The following SPAG16 variants were observed in gnomAD, a reference collection of about 807,000 sequenced individuals.
SPAG16 encodes sperm-associated antigen 16 protein.
A neutral mutation model predicts 80.4 loss-of-function variants in SPAG16; 86 were observed. That is an observed-to-expected ratio of 1.07 (90% CI 0.90 to 1.28). The LOEUF (loss-of-function observed/expected upper bound fraction) is 1.28, where lower values mean the gene tolerates loss of function less well. Ranked by LOEUF, SPAG16 falls within the 50% of genes most tolerant of loss-of-function variation. SPAG16 has a pLI of 0.00. For synonymous variants in SPAG16, 294 were observed against 265.9 expected (o/e 1.11, Z -1.03); for missense variants, 870 against 765.3 (o/e 1.14, Z -1.61).
At chr2:213,673,704 C>T (rs62192660) in intron 10 of SPAG16, among the ~76,000 whole-genome samples, 247 of 152,178 alleles carry the variant, frequency 1.6e-3, no homozygotes, top group Non-Finnish European at 3.1e-3. Flanking sequence ...CTGGCTTCTA[C>T]TAAGGTAATG....
At chr2:213,688,103 G>T (rs1363013953) in intron 10 of SPAG16, among the ~76,000 whole-genome samples, 2 of 152,128 alleles carry the variant, frequency 1.3e-5, no homozygotes, top group Non-Finnish European at 2.9e-5. Context: ...GTTTGAACTT[G>T]GGGGGAGGAT....
intron 10 of SPAG16, among the ~76,000 whole-genome samples, chr2:213,689,545 TTTTTTTTTTTG>T (rs2064848196): frequency 7.0e-6 from 1 of 143,536 alleles, no homozygotes. Flanking sequence ...TTTTTTTTTT[TTTTTTTTTTTG>T]GTCTCACTTC....
chr2:213,396,702 T>G (rs1254016432), intron 9 of SPAG16: 1 of 451,718 alleles, frequency 2.2e-6, no homozygotes, highest in Non-Finnish European at 4.4e-6. Flanking sequence ...AGACTGCCCA[T>G]CTTCAGGACA....
At chr2:214,288,410 A>C (rs954120752) in intron 15 of SPAG16, among the ~76,000 whole-genome samples, 1 of 152,146 alleles carries the variant, frequency 6.6e-6, no homozygotes. Flanking sequence ...TATCCCTTTG[A>C]TACACATATT....
intron 9 of SPAG16, among the ~76,000 whole-genome samples, chr2:213,387,578 C>T (rs987167960): frequency 3.5e-5 from 4 of 114,558 alleles, no homozygotes; most frequent in Non-Finnish European, 5.2e-5. Flanking sequence ...CCTCAGCCTC[C>T]CAAGTAGCTG....
At chr2:213,980,022 C>T (rs2045612810) in intron 12 of SPAG16, among the ~76,000 whole-genome samples, 1 of 151,456 alleles carries the variant, frequency 6.6e-6, no homozygotes, top group South Asian at 2.1e-4. Context: ...ATGGCATTGC[C>T]TATAGCATCA....
At chr2:214,197,198 A>G (rs1188091384) in intron 15 of SPAG16, among the ~76,000 whole-genome samples, 2 of 152,070 alleles carry the variant, frequency 1.3e-5, no homozygotes, top group Non-Finnish European at 2.9e-5. Flanking sequence ...TTGCAATATT[A>G]TTTAGAGTTC....
chr2:214,177,969 A>ATGTG (rs201966471), intron 15 of SPAG16, among the ~76,000 whole-genome samples: 812 of 75,132 alleles, frequency 0.011, 43 homozygotes, highest in African/African-American at 0.066. Flanking sequence ...CACAAAGTGT[A>ATGTG]TGTATATATA....
chr2:213,384,034 A>G (rs190473775), intron 9 of SPAG16, among the ~76,000 whole-genome samples: 41 of 152,320 alleles, frequency 2.7e-4, no homozygotes, highest in Non-Finnish European at 5.0e-4. Flanking sequence ...ATCAGGTAGA[A>G]CAGTTGCAAT....
chr2:213,357,978 C>G (rs933371901), intron 7 of SPAG16, among the ~76,000 whole-genome samples: 7 of 152,100 alleles, frequency 4.6e-5, no homozygotes, highest in African/African-American at 1.7e-4. Flanking sequence ...TTAGCATTTG[C>G]TTGTCTGTGA....
At chr2:214,378,719 A>G (rs1700275888) in intron 15 of SPAG16, among the ~76,000 whole-genome samples, 1 of 152,226 alleles carries the variant, frequency 6.6e-6, no homozygotes, top group Admixed American at 6.5e-5. Flanking sequence ...GCCAGACAGA[A>G]TATTTGCCAT....
chr2:214,397,749 G>A (rs1412775661), intron 15 of SPAG16, among the ~76,000 whole-genome samples: 1 of 152,198 alleles, frequency 6.6e-6, no homozygotes, highest in East Asian at 1.9e-4. Context: ...AGAAGGTAAA[G>A]CACAGTTTTC....
chr2:213,563,840 A>G (rs939234933), intron 10 of SPAG16, among the ~76,000 whole-genome samples: 8 of 152,180 alleles, frequency 5.3e-5, no homozygotes, highest in African/African-American at 1.2e-4. Context: ...ATTAATGTAC[A>G]TGGCTTCTTT....
chr2:213,491,878 T>C (rs2074247926), intron 10 of SPAG16, among the ~76,000 whole-genome samples: 1 of 152,162 alleles, frequency 6.6e-6, no homozygotes, highest in African/African-American at 2.4e-5. Context: ...GTTAGCCTAT[T>C]AGGAGGGAAG....
intron 10 of SPAG16, among the ~76,000 whole-genome samples, chr2:213,732,698 C>T (rs533983559): frequency 1.3e-5 from 2 of 152,132 alleles, no homozygotes; most frequent in African/African-American, 4.8e-5. Context: ...TCTTCCTATC[C>T]ATGAGCATGG....
At chr2:213,662,911 A>T (rs1357695026) in intron 10 of SPAG16, among the ~76,000 whole-genome samples, 2 of 152,104 alleles carry the variant, frequency 1.3e-5, no homozygotes, top group Non-Finnish European at 2.9e-5. Flanking sequence ...AAAAAATACG[A>T]TTCAATATTC....
At chr2:213,643,392 ATATATATATATATATATATT>A (rs1559337948) in intron 10 of SPAG16, among the ~76,000 whole-genome samples, 887 of 61,458 alleles carry the variant, frequency 0.014, 33 homozygotes, top group Non-Finnish European at 0.021. Flanking sequence ...ATATATATAT[ATATATATATATATATATATT>A]TTATCTCTTG....
chr2:213,716,219 A>G (rs375916222), intron 10 of SPAG16, among the ~76,000 whole-genome samples: 1 of 152,160 alleles, frequency 6.6e-6, no homozygotes, highest in Admixed American at 6.5e-5. Context: ...ACAGTATTCA[A>G]TTTGCTGCAA....
At chr2:213,762,183 C>T (rs1382150116) in intron 10 of SPAG16, among the ~76,000 whole-genome samples, 1 of 152,026 alleles carries the variant, frequency 6.6e-6, no homozygotes, top group African/African-American at 2.4e-5. Context: ...AAAAGGTAGA[C>T]CAGTGGCTTC....
Sources: gnomAD v4.1 joint callset for allele counts (sites outside exome capture counted in the v4.1 genomes callset) on GRCh38, gnomAD v4.1.1 for gene constraint, MANE v1.5 for transcripts, NCBI Gene and HGNC (gene_info 2026-07-23, HGNC 2026-07-21) for gene names.